The following GUCY1A2 variants were observed in gnomAD, a reference collection of about 807,000 sequenced individuals.
The protein encoded by GUCY1A2 is guanylate cyclase 1 soluble subunit alpha 2.
Under a neutral mutation model 63.5 loss-of-function variants are expected in GUCY1A2, and 27 were observed. The observed-to-expected ratio is 0.43, with a 90% CI of 0.31 to 0.59. The LOEUF is 0.59. GUCY1A2 is among the 20% of genes least tolerant of loss of function. GUCY1A2 has a pLI of 0.11. For synonymous variants in GUCY1A2, 364 were observed against 343.5 expected, an observed-to-expected ratio of 1.06 and a Z score of -0.66; for missense variants, 768 against 913.3, an observed-to-expected ratio of 0.84 and a Z score of 2.05.
chr11:106,781,787 C>T (rs959909182), intron 5 of GUCY1A2, among the ~76,000 whole-genome samples: 3 of 151,526 alleles, frequency 2.0e-5, no homozygotes, highest in African/African-American at 7.3e-5. Flanking sequence ...AGGCTAGTCT[C>T]GAACTCCTGG....
At position 107,017,970 on chromosome 11, in the gene GUCY1A2, C is replaced by A; in HGVS notation, c.86G>T (p.Cys29Phe). Residue 29 changes from cysteine (C) to phenylalanine (F), a missense_variant, in exon 1 of 8, where the codon TGC becomes TTC. Cys to Phe is a radical substitution (Grantham distance 205). Around this residue, in one of 3 missense-constraint regions of GUCY1A2, gnomAD observed 496 missense variants for 486.9 expected, o/e 1.02. Coordinates refer to ENST00000526355, the MANE Select transcript of GUCY1A2 (RefSeq NM_000855.3). Reference protein sequence around the residue: ...LETSPEEEGECPLSRLCWNGS... With the variant: ...LETSPEEEGEFPLSRLCWNGS... Reference sequence around the variant, plus strand: ...ATTCCAGCAGAGCCTAGACAGGGGGCACTCCCCCTCCTCCTCCGGGCTGGT... The same window carrying A: ...ATTCCAGCAGAGCCTAGACAGGGGGAACTCCCCCTCCTCCTCCGGGCTGGT... 1 of 1,442,358 alleles carries A rather than the reference C, an allele frequency of 6.9e-7. No individual in the cohort carries two copies. Among genetic ancestry groups the A allele is most frequent in the South Asian group, 1.4e-5 (1 of 69,314 alleles). The allele number at this position is 1,442,358 out of a possible 1,614,324, so 89.3% of individuals were successfully genotyped here.
chr11:106,940,268 C>G (rs1042506547), intron 3 of GUCY1A2, 90 bp from the exon 4 acceptor site: 25 of 654,888 alleles, frequency 3.8e-5, no homozygotes, highest in African/African-American at 7.2e-5. Flanking sequence ...AGAGTAACTA[C>G]TGAATAAAGT....
rs1039178615 is a variant in GUCY1A2, at chr11:106,674,929, G to A, written c.*12620C>T. 1.9e-5 allele frequency: 4 copies of A among 216,084 alleles called. No homozygotes were observed. Among genetic ancestry groups the A allele is most frequent in the African/African-American group, 9.0e-5 (4 of 44,442 alleles). The allele number at this position is 216,084 out of a possible 1,614,324, so 13.4% of individuals were successfully genotyped here. On this transcript the variant is annotated 3_prime_UTR_variant, in exon 8 of 8. Coordinates refer to ENST00000526355, the MANE Select transcript of GUCY1A2 (RefSeq NM_000855.3). ...GGAAACCTATTTATTATTATATAGT[G>A]CCTGCAGACTTGATGGAAGTGCATT...
intron 2 of GUCY1A2, among the ~76,000 whole-genome samples, chr11:106,984,700 C>G (rs957854887): frequency 8.5e-5 from 13 of 152,138 alleles, no homozygotes; most frequent in African/African-American, 2.4e-4. Flanking sequence ...GTAGTGCTCA[C>G]CACATACGAG....
intron 3 of GUCY1A2, among the ~76,000 whole-genome samples, chr11:106,960,298 T>C (rs1469692376): frequency 6.6e-6 from 1 of 152,192 alleles, no homozygotes; most frequent in Non-Finnish European, 1.5e-5. Flanking sequence ...CAGTCTATTG[T>C]TCTTAAGAAT....
intron 6 of GUCY1A2, among the ~76,000 whole-genome samples, chr11:106,752,253 A>G (rs1048160898): frequency 3.9e-5 from 6 of 152,194 alleles, no homozygotes; most frequent in Admixed American, 2.6e-4. Context: ...AAACCAATTA[A>G]CAACATGGCT....
Position 106,762,907 on chromosome 11 carries a change from T to C in GUCY1A2, c.1836+13532A>G, listed in dbSNP as rs565292305. On this transcript the variant is annotated intron_variant, in intron 6 of 7. Transcript: ENST00000526355. ...GACATTTGATGCTCCCACTAATTTT[T>C]AGCCAATAAAAATTTTTATTCTGTG... 6.6e-5 allele frequency among the ~76,000 whole-genome samples: 10 copies of C among 152,232 alleles called. 1 individual carries two copies. The highest frequency in any genetic ancestry group is 2.4e-4 in the African/African-American group (10 of 41,570).
intron 6 of GUCY1A2, among the ~76,000 whole-genome samples, chr11:106,715,993 T>C (rs1215908835): frequency 6.6e-6 from 1 of 152,120 alleles, no homozygotes; most frequent in Non-Finnish European, 1.5e-5. Context: ...CTCAAGAAAA[T>C]ACTCTTTGAG....
intron 4 of GUCY1A2, among the ~76,000 whole-genome samples, chr11:106,851,774 G>T (rs1004875902): frequency 6.6e-6 from 1 of 151,760 alleles, no homozygotes; most frequent in East Asian, 1.9e-4. Flanking sequence ...ATCACACCAC[G>T]CCAGGTGGTG....
intron 6 of GUCY1A2, among the ~76,000 whole-genome samples, chr11:106,731,656 A>T (rs114698481): frequency 1.6e-4 from 24 of 152,094 alleles, no homozygotes; most frequent in African/African-American, 5.5e-4. Context: ...CTACCCTAAA[A>T]CTCCTTGATC....
chr11:106,948,266 C>A (rs1344934127), intron 3 of GUCY1A2, among the ~76,000 whole-genome samples: 3 of 152,046 alleles, frequency 2.0e-5, no homozygotes, highest in Non-Finnish European at 2.9e-5. Flanking sequence ...TATACTAAGA[C>A]CAATTTCTCT....
chr11:106,859,898 A>G (rs1859486002), intron 4 of GUCY1A2, among the ~76,000 whole-genome samples: 1 of 151,918 alleles, frequency 6.6e-6, no homozygotes, highest in African/African-American at 2.4e-5. Context: ...GATTTGTGTA[A>G]GTATACTCTA....
intron 3 of GUCY1A2, among the ~76,000 whole-genome samples, chr11:106,967,880 T>C (rs568150446): frequency 6.6e-6 from 1 of 152,012 alleles, no homozygotes; most frequent in African/African-American, 2.4e-5. Context: ...CAAAAAGCAA[T>C]GAATGAAAGC....
rs866044236 is a variant in GUCY1A2 at position 106,916,819 on chromosome 11, C to T, written c.1206+22641G>A. 7.6e-5 allele frequency among the ~76,000 whole-genome samples: 11 copies of T among 145,336 alleles called. 2 individuals are homozygous for T. In the South Asian group the frequency reaches 2.4e-3, roughly 32 times the overall value. On this transcript the variant is annotated intron_variant, in intron 4 of 7. Coordinates refer to ENST00000526355, the MANE Select transcript of GUCY1A2 (RefSeq NM_000855.3). ...TGAGTCTGCTCTTTCATATGAAAGA[C>T]AACTTACATAAAATTTATAAACACT...
intron 4 of GUCY1A2, among the ~76,000 whole-genome samples, chr11:106,872,260 T>C (rs576052692): frequency 6.8e-4 from 104 of 152,264 alleles, no homozygotes; most frequent in Non-Finnish European, 1.3e-3. Context: ...GGAAAACTAA[T>C]CTATGGGTTT....
intron 4 of GUCY1A2, among the ~76,000 whole-genome samples, chr11:106,938,256 T>C (rs1860705528): frequency 6.6e-6 from 1 of 152,202 alleles, no homozygotes. Flanking sequence ...CTTTCTCGAA[T>C]ATTTTTTTTA....
rs1219692835 is a variant in GUCY1A2 at position 106,802,611 on chromosome 11, A to T, written c.1692+7382T>A. ...CAAAACACCATAGACTGGGTGGCTT[A>T]AACAACAGGAATTTATTCCTCATAG... On this transcript the variant is annotated intron_variant, in intron 5 of 7. Coordinates refer to ENST00000526355, the MANE Select transcript of GUCY1A2 (RefSeq NM_000855.3). Among the ~76,000 whole-genome samples, 4 of 152,228 alleles carry T rather than the reference A, an allele frequency of 2.6e-5. No homozygotes were observed. In the East Asian group the frequency reaches 7.7e-4, roughly 29 times the overall value.
At chr11:106,734,462 A>G (rs1324915532) in intron 6 of GUCY1A2, among the ~76,000 whole-genome samples, 3 of 152,170 alleles carry the variant, frequency 2.0e-5, no homozygotes, top group Non-Finnish European at 4.4e-5. Context: ...ATAGAATGTA[A>G]GACTCCATCA....
intron 7 of GUCY1A2, among the ~76,000 whole-genome samples, chr11:106,699,695 T>C (rs1862783760): frequency 6.6e-6 from 1 of 152,182 alleles, no homozygotes; most frequent in African/African-American, 2.4e-5. Flanking sequence ...AAACTTTACT[T>C]CTAGATTTAA....
Sources: gnomAD v4.1 joint callset for allele counts (sites outside exome capture counted in the v4.1 genomes callset) on GRCh38, gnomAD v4.1.1 for gene constraint, gnomAD v4.1.1 regional missense constraint, MANE v1.5 for transcripts, NCBI Gene and HGNC (gene_info 2026-07-23, HGNC 2026-07-21) for gene names.